MAN1A1: variants seen among roughly 807,000 people sequenced by gnomAD.
MAN1A1 encodes mannosyl-oligosaccharide 1,2-alpha-mannosidase IA.
Under a neutral mutation model 70.8 loss-of-function variants are expected in MAN1A1, and 29 were observed. The ratio of observed to expected loss-of-function variants is 0.41; its 90% CI spans 0.31 to 0.56. The LOEUF (loss-of-function observed/expected upper bound fraction) is 0.56. Ranked by LOEUF, MAN1A1 falls within the 20% of genes least tolerant of loss-of-function variation. MAN1A1 has a pLI of 0.29. For missense variants in MAN1A1, 747 were observed against 841.3 expected (o/e 0.89, Z 1.39); for synonymous variants, 349 against 330.1 (o/e 1.06, Z -0.62).
intron 6 of MAN1A1, among the ~76,000 whole-genome samples, chr6:119,234,466 T>C (rs1398381813): frequency 6.6e-6 from 1 of 151,962 alleles, no homozygotes; most frequent in Non-Finnish European, 1.5e-5. Context: ...TAGGCTGGAG[T>C]GCAGTCTTAC....
At chr6:119,268,136 T>C (rs1180481829) in intron 5 of MAN1A1, among the ~76,000 whole-genome samples, 1 of 152,196 alleles carries the variant, frequency 6.6e-6, no homozygotes, top group Non-Finnish European at 1.5e-5. Context: ...AAAATGGTGA[T>C]TTTCTACTTT....
chr6:119,299,962 C>A (rs953115663), intron 4 of MAN1A1, among the ~76,000 whole-genome samples: 5 of 152,318 alleles, frequency 3.3e-5, no homozygotes, highest in Non-Finnish European at 5.9e-5. Flanking sequence ...AAGAAAAAAA[C>A]CGCTATTATA....
intron 2 of MAN1A1, among the ~76,000 whole-genome samples, chr6:119,348,230 C>T (rs143420393): frequency 1.8e-4 from 27 of 152,340 alleles, no homozygotes; most frequent in African/African-American, 6.5e-4. Flanking sequence ...GTCACCAGAG[C>T]AAGAGCATGC....
intron 5 of MAN1A1, among the ~76,000 whole-genome samples, chr6:119,254,485 CT>C (rs1465488186): frequency 1.3e-5 from 2 of 152,188 alleles, no homozygotes; most frequent in African/African-American, 4.8e-5. Flanking sequence ...CAAATATCAT[CT>C]TTTGAAGATA....
chr6:119,277,917 A>G (rs1364955314), intron 5 of MAN1A1, among the ~76,000 whole-genome samples: 11 of 141,454 alleles, frequency 7.8e-5, no homozygotes, highest in Non-Finnish European at 1.7e-4. Flanking sequence ...AGCCTGGGCG[A>G]CAGAGCAAGA....
chr6:119,209,723 A>G (rs1773989859), intron 6 of MAN1A1, among the ~76,000 whole-genome samples: 1 of 152,196 alleles, frequency 6.6e-6, no homozygotes, highest in African/African-American at 2.4e-5. Context: ...AGGTTTGCAC[A>G]GTGCTGATCT....
At chr6:119,246,988 C>T (rs1775184980) in intron 6 of MAN1A1, among the ~76,000 whole-genome samples, 1 of 152,066 alleles carries the variant, frequency 6.6e-6, no homozygotes, top group Admixed American at 6.5e-5. Context: ...CTCTCCCCAC[C>T]CCACTCCCCA....
chr6:119,296,341 C>A (rs1772215996), intron 4 of MAN1A1, among the ~76,000 whole-genome samples: 1 of 152,172 alleles, frequency 6.6e-6, no homozygotes, highest in African/African-American at 2.4e-5. Flanking sequence ...TCAGAGAGAA[C>A]AGCACAGTAT....
intron 4 of MAN1A1, among the ~76,000 whole-genome samples, chr6:119,295,442 C>CCCT (rs5879498): frequency 0.38 from 57,006 of 151,378 alleles, 11,135 homozygotes; most frequent in Non-Finnish European, 0.41. Flanking sequence ...GATGCAAGCT[C>CCCT]GAGGAACAGA....
chr6:119,327,743 T>A (rs538821022), intron 2 of MAN1A1, among the ~76,000 whole-genome samples: 1 of 152,274 alleles, frequency 6.6e-6, no homozygotes, highest in East Asian at 1.9e-4. Context: ...GTAACAGATA[T>A]GGTGATTAGC....
At chr6:119,206,089 G>A (rs754511953) in intron 6 of MAN1A1, among the ~76,000 whole-genome samples, 13 of 152,270 alleles carry the variant, frequency 8.5e-5, no homozygotes, top group East Asian at 5.8e-4. Flanking sequence ...GGGCAAGTAC[G>A]AGTTGGTGAG....
chr6:119,182,609 C>A (rs956940574), intron 11 of MAN1A1, among the ~76,000 whole-genome samples: 2 of 149,372 alleles, frequency 1.3e-5, no homozygotes, highest in Non-Finnish European at 3.0e-5. Context: ...AAGTTATTTT[C>A]TGCCATCACA....
intron 6 of MAN1A1, among the ~76,000 whole-genome samples, chr6:119,221,665 C>A (rs534850313): frequency 2.8e-4 from 42 of 152,044 alleles, no homozygotes; most frequent in Non-Finnish European, 2.9e-4. Flanking sequence ...GTTGGCCAGG[C>A]TGGTCTCAAA....
intron 4 of MAN1A1, among the ~76,000 whole-genome samples, chr6:119,298,281 G>C (rs1479415821): frequency 3.3e-5 from 5 of 152,206 alleles, no homozygotes; most frequent in Middle Eastern, 3.4e-3. Flanking sequence ...TTACTCCCCA[G>C]AACATATTAT....
intron 4 of MAN1A1, among the ~76,000 whole-genome samples, chr6:119,297,776 G>A (rs1164920509): frequency 3.8e-5 from 3 of 78,982 alleles, no homozygotes; most frequent in Non-Finnish European, 7.3e-5. Flanking sequence ...GTCTCGCTCT[G>A]TCGCCCAGGC....
intron 2 of MAN1A1, among the ~76,000 whole-genome samples, chr6:119,308,067 C>G (rs1322721019): frequency 6.6e-6 from 1 of 152,180 alleles, no homozygotes; most frequent in Non-Finnish European, 1.5e-5. Flanking sequence ...AAGTACTCTG[C>G]TAAATGCTAT....
At chr6:119,197,309 G>GA (rs564347646) in intron 8 of MAN1A1, among the ~76,000 whole-genome samples, 87 of 107,060 alleles carry the variant, frequency 8.1e-4, no homozygotes, top group Admixed American at 1.0e-3. Context: ...CTCCAAAAAA[G>GA]AAAAAAAAAA....
In MAN1A1 at chr6:119,277,475, AT is replaced by A. The variant is rs201669176; in HGVS notation, c.897+13207del. 7.9e-3 allele frequency among the ~76,000 whole-genome samples: 1,209 copies of A among 152,262 alleles called. 9 individuals carry two copies. The highest frequency in any genetic ancestry group is 0.013 in the Non-Finnish European group (858 of 68,012). ...CCATAAAAATTTTTAACAAAAACAAATTTTTTTATGAATCAAATGATAGTTT... is the reference window on the plus strand; with the variant it reads ...CCATAAAAATTTTTAACAAAAACAAATTTTTTATGAATCAAATGATAGTTT... On this transcript the variant is annotated intron_variant, in intron 5 of 12. Coordinates refer to ENST00000368468, the MANE Select transcript of MAN1A1 (RefSeq NM_005907.4).
intron 5 of MAN1A1, among the ~76,000 whole-genome samples, chr6:119,285,496 G>GTA (rs1208810310): frequency 6.6e-6 from 1 of 151,952 alleles, no homozygotes; most frequent in African/African-American, 2.4e-5. Context: ...TAATTTCACT[G>GTA]TATCACTATT....
Sources: allele counts gnomAD v4.1 joint callset (sites outside exome capture counted in the v4.1 genomes callset), GRCh38; gene constraint gnomAD v4.1.1; transcripts MANE v1.5; gene names NCBI Gene and HGNC (gene_info 2026-07-23, HGNC 2026-07-21).